Variants in KCNU1 observed in about 807,000 individuals in gnomAD.
The protein encoded by KCNU1 is potassium calcium-activated channel subfamily U member 1.
In KCNU1, 93 loss-of-function variants were observed where a neutral mutation model predicts 126.8. That is an observed-to-expected ratio of 0.73 (90% CI 0.62 to 0.87). The LOEUF is 0.87. Among genes scored for constraint, KCNU1 ranks in the 40% least tolerant of loss-of-function variants. KCNU1 has a pLI of 0.00. For synonymous variants in KCNU1, 523 were observed against 494.2 expected, an observed-to-expected ratio of 1.06 and a Z score of -0.77; for missense variants, 1,330 against 1,367.1, an observed-to-expected ratio of 0.97 and a Z score of 0.43.
intron 10 of KCNU1, among the ~76,000 whole-genome samples, chr8:36,825,231 A>G (rs1458717382): frequency 6.6e-6 from 1 of 152,088 alleles, no homozygotes; most frequent in Non-Finnish European, 1.5e-5. Context: ...TTTCCTCATT[A>G]CTAGTGAGGC....
intron 10 of KCNU1, among the ~76,000 whole-genome samples, chr8:36,825,254 C>A (rs567210878): frequency 1.5e-4 from 23 of 152,270 alleles, no homozygotes; most frequent in Non-Finnish European, 2.8e-4. Flanking sequence ...AGCATCTTTT[C>A]AGATCCATAA....
At chr8:36,838,431 C>T (rs1804832396) in intron 14 of KCNU1, among the ~76,000 whole-genome samples, 1 of 152,170 alleles carries the variant, frequency 6.6e-6, no homozygotes, top group Admixed American at 6.5e-5. Flanking sequence ...TGGCTCACGC[C>T]TGTAATCCCA....
At chr8:36,784,750 T>G in intron 1 of KCNU1, 145 bp downstream of exon 1, 1 of 659,098 alleles carries the variant, frequency 1.5e-6, no homozygotes, top group Non-Finnish European at 2.6e-6. Flanking sequence ...GAAAGGGTGG[T>G]AAGCCAGACC....
At chr8:36,837,942 T>A (rs562243650) in intron 14 of KCNU1, among the ~76,000 whole-genome samples, 1 of 152,192 alleles carries the variant, frequency 6.6e-6, no homozygotes. Flanking sequence ...AGTACAAATA[T>A]TTGCATCTTT....
At chr8:36,926,546 G>C (rs951512575) in intron 24 of KCNU1, among the ~76,000 whole-genome samples, 1 of 152,128 alleles carries the variant, frequency 6.6e-6, no homozygotes, top group Non-Finnish European at 1.5e-5. Context: ...TCATTCCCTT[G>C]AAGTTAGGAT....
intron 19 of KCNU1, among the ~76,000 whole-genome samples, chr8:36,900,752 T>C (rs1233798518): frequency 6.6e-6 from 1 of 152,104 alleles, no homozygotes; most frequent in African/African-American, 2.4e-5. Context: ...ACAGGATTTT[T>C]TTCTTGATTT....
chr8:36,831,979 G>T (rs1318098515), intron 10 of KCNU1, among the ~76,000 whole-genome samples: 1 of 152,162 alleles, frequency 6.6e-6, no homozygotes, highest in South Asian at 2.1e-4. Flanking sequence ...TTCTACATAT[G>T]GCTAGCCAGT....
chr8:36,806,426 A>G lies in KCNU1; in HGVS notation c.580+46A>G, dbSNP rs752297874. ...GGTAGCAATATCTATGAATAAAATA[A>G]AAACTCAACATTCATTTGTAAGTAT... On this transcript the variant is annotated intron_variant, in intron 5 of 26. Coordinates refer to ENST00000399881, the MANE Select transcript of KCNU1 (RefSeq NM_001031836.3). 10 of 930,902 alleles carry G rather than the reference A, an allele frequency of 1.1e-5. No individual in the cohort carries two copies. In the South Asian group the frequency reaches 1.6e-4, roughly 15 times the overall value. 57.7% of individuals were successfully genotyped at this position (930,902 alleles called of 1,614,324 possible). A position where few individuals can be genotyped will look rare whatever the true frequency, so the allele number is the denominator to read the frequency against.
At chr8:36,792,961 A>G (rs1263210843) in intron 2 of KCNU1, among the ~76,000 whole-genome samples, 1 of 152,184 alleles carries the variant, frequency 6.6e-6, no homozygotes, top group East Asian at 1.9e-4. Flanking sequence ...ATATCTATAA[A>G]TACCTACATT....
intron 10 of KCNU1, among the ~76,000 whole-genome samples, chr8:36,825,126 C>G (rs1804271479): frequency 6.6e-6 from 1 of 152,168 alleles, no homozygotes; most frequent in South Asian, 2.1e-4. Context: ...ACTCGACAAA[C>G]TAACACTTAG....
At chr8:36,912,629 T>G (rs1807922865) in intron 22 of KCNU1, among the ~76,000 whole-genome samples, 1 of 152,162 alleles carries the variant, frequency 6.6e-6, no homozygotes, top group South Asian at 2.1e-4. Context: ...TGTGTGCATG[T>G]GCATGCTTGT....
intron 26 of KCNU1, among the ~76,000 whole-genome samples, chr8:36,935,115 G>A (rs907296206): frequency 2.6e-5 from 4 of 152,074 alleles, no homozygotes; most frequent in Non-Finnish European, 5.9e-5. Flanking sequence ...CTGAATTCAT[G>A]AGTATAGTGT....
At chr8:36,791,762 A>T (rs556053370) in intron 2 of KCNU1, among the ~76,000 whole-genome samples, 1 of 152,292 alleles carries the variant, frequency 6.6e-6, no homozygotes, top group South Asian at 2.1e-4. Context: ...TCTCGGAAAA[A>T]AAATGAGAAA....
At chr8:36,908,289 T>C (rs1807715699) in intron 20 of KCNU1, among the ~76,000 whole-genome samples, 1 of 152,170 alleles carries the variant, frequency 6.6e-6, no homozygotes, top group Non-Finnish European at 1.5e-5. Context: ...TTCTTTTGTT[T>C]TCAACTTGGA....
intron 18 of KCNU1, among the ~76,000 whole-genome samples, chr8:36,864,174 G>T (rs1287479103): frequency 3.3e-5 from 5 of 152,072 alleles, no homozygotes. Context: ...TATTGAGTAG[G>T]TACTTATTTT....
At chr8:36,822,723 G>C (rs1490502721) in intron 10 of KCNU1, among the ~76,000 whole-genome samples, 1 of 152,092 alleles carries the variant, frequency 6.6e-6, no homozygotes, top group Non-Finnish European at 1.5e-5. Context: ...TACACAAATA[G>C]ATATTACACA....
intron 18 of KCNU1, among the ~76,000 whole-genome samples, chr8:36,852,196 C>T (rs1474159365): frequency 2.0e-5 from 3 of 152,020 alleles, no homozygotes; most frequent in Admixed American, 6.6e-5. Context: ...ATGTTAAACT[C>T]ACCTTGTATT....
rs1426925331 is a variant in KCNU1 at position 36,861,002 on chromosome 8, T to C, written c.1892-3402T>C. ...CAACGTTTCCTAGGGAGGAGAACTC[T>C]AAACACATAAGGTAGAGATTTACCT... On this transcript the variant is annotated intron_variant, in intron 18 of 26. Transcript: ENST00000399881. Among the ~76,000 whole-genome samples the C allele has an allele frequency of 2.6e-5, 4 of 152,010 alleles. No homozygotes were observed. The East Asian group carries it at 7.7e-4, about 29-fold the overall frequency.
chr8:36,874,305 T>C (rs1806205170), intron 19 of KCNU1, among the ~76,000 whole-genome samples: 1 of 152,138 alleles, frequency 6.6e-6, no homozygotes, highest in South Asian at 2.1e-4. Context: ...TGGAAATCAT[T>C]TTTTTTCCTA....
Sources: allele counts gnomAD v4.1 joint callset (sites outside exome capture counted in the v4.1 genomes callset), GRCh38; gene constraint gnomAD v4.1.1; transcripts MANE v1.5; gene names NCBI Gene and HGNC (gene_info 2026-07-23, HGNC 2026-07-21).